Variants in ATRX observed in about 807,000 individuals in gnomAD.
ATRX encodes chromatin remodeler ATRX.
Under a neutral mutation model 172.6 loss-of-function variants are expected in ATRX, and 12 were observed. That is an observed-to-expected ratio of 0.07 (90% confidence interval 0.04 to 0.11). The LOEUF (loss-of-function observed/expected upper bound fraction) is 0.11. Among genes scored for constraint, ATRX ranks in the 10% least tolerant of loss-of-function variants. The probability of loss-of-function intolerance (pLI) is 1.00; values close to 1 mark genes in which losing one functional copy is unlikely to be tolerated. For synonymous variants in ATRX, 674 were observed against 594.7 expected (o/e 1.13, Z -1.94); for missense variants, 1,368 against 1,767.4 (o/e 0.77, Z 4.05).
intron 27 of ATRX, among the ~76,000 whole-genome samples, chrX:77,585,580 C>A (rs1160852004): frequency 6.2e-4 from 11 of 17,666 alleles, no homozygotes; most frequent in East Asian, 1.3e-3. Context: ...TGTCTCCCCC[C>A]ACCAAAAAAA....
intron 30 of ATRX, among the ~76,000 whole-genome samples, chrX:77,556,540 T>C (rs1475371291): frequency 9.0e-6 from 1 of 110,914 alleles, no homozygotes; most frequent in Non-Finnish European, 1.9e-5. Flanking sequence ...CCTGAGATAA[T>C]GTATATGAGA....
intron 1 of ATRX, among the ~76,000 whole-genome samples, chrX:77,734,834 G>A (rs1268201825): frequency 2.7e-5 from 3 of 110,043 alleles, no homozygotes; most frequent in South Asian, 3.9e-4. Flanking sequence ...GTGCTGGCCC[G>A]GCACGGTGGC....
chrX:77,584,717 T>C (rs1326280057), intron 27 of ATRX, among the ~76,000 whole-genome samples: 10 of 111,374 alleles, frequency 9.0e-5, no homozygotes, highest in Admixed American at 6.7e-4. Context: ...CAAGAAAACA[T>C]TGGGGAAACT....
intron 1 of ATRX, among the ~76,000 whole-genome samples, chrX:77,745,072 T>G (rs782548395): frequency 6.7e-5 from 7 of 104,258 alleles, no homozygotes; most frequent in African/African-American, 2.5e-4. Context: ...CTTGGAAGAC[T>G]GAAGTGGGTG....
At chrX:77,632,488 T>C (rs1365694538) in intron 19 of ATRX, among the ~76,000 whole-genome samples, 1 of 111,687 alleles carries the variant, frequency 9.0e-6, no homozygotes, top group Non-Finnish European at 1.9e-5. Flanking sequence ...ATTAACTACC[T>C]CATTATCTTT....
intron 1 of ATRX, among the ~76,000 whole-genome samples, chrX:77,780,370 C>T (rs910283620): frequency 1.4e-4 from 15 of 110,837 alleles, no homozygotes; most frequent in African/African-American, 4.6e-4. Context: ...CTCACCCTGT[C>T]GCCCAGGCTG....
chrX:77,606,619 G>A (rs1457731666), intron 22 of ATRX, among the ~76,000 whole-genome samples: 1 of 110,691 alleles, frequency 9.0e-6, no homozygotes. Context: ...GGGATGCAAC[G>A]ATGGCTCAGT....
chrX:77,712,596 A>G (rs1368886969), intron 2 of ATRX, among the ~76,000 whole-genome samples: 4 of 111,662 alleles, frequency 3.6e-5, no homozygotes, highest in Non-Finnish European at 7.5e-5. Flanking sequence ...AGGCTGAGGC[A>G]GGTGGATCAC....
chrX:77,552,293 T>A, intron 30 of ATRX, among the ~76,000 whole-genome samples: 1 of 110,012 alleles, frequency 9.1e-6, no homozygotes, highest in Non-Finnish European at 1.9e-5. Context: ...TAAAAAATGA[T>A]GAGTTCCTGT....
chrX:77,719,993 T>C (rs2073662359), intron 1 of ATRX, among the ~76,000 whole-genome samples: 1 of 112,146 alleles, frequency 8.9e-6, no homozygotes, highest in Non-Finnish European at 1.9e-5. Flanking sequence ...CAGACTATAA[T>C]GCAATCAAAT....
At chrX:77,620,682 C>T (rs1311748687) in intron 19 of ATRX, 150 bp from the exon 20 acceptor site, 5 of 546,177 alleles carry the variant, frequency 9.2e-6, no homozygotes, top group African/African-American at 4.7e-5. Flanking sequence ...ATTTTATCTG[C>T]TCCCGTATTT....
chrX:77,548,327 A>G (rs1036548132), intron 30 of ATRX, among the ~76,000 whole-genome samples: 2 of 111,920 alleles, frequency 1.8e-5, no homozygotes, highest in Non-Finnish European at 3.8e-5. Context: ...CAGATGAATA[A>G]CAATCATTTT....
intron 30 of ATRX, among the ~76,000 whole-genome samples, chrX:77,534,219 G>A (rs957367197): frequency 1.7e-4 from 19 of 111,521 alleles, no homozygotes; most frequent in African/African-American, 6.2e-4. Context: ...AGAGTGCTAT[G>A]TAAGACATGA....
At chrX:77,744,095 T>C (rs913868817) in intron 1 of ATRX, among the ~76,000 whole-genome samples, 1 of 112,297 alleles carries the variant, frequency 8.9e-6, no homozygotes, top group African/African-American at 3.2e-5. Flanking sequence ...GAGAGAGGAT[T>C]GCTTGAGACC....
At position 77,531,967 on chromosome X, in the gene ATRX, T is replaced by C. The variant is rs782005569; in HGVS notation, c.6700-8566A>G. On this transcript the variant is annotated intron_variant, in intron 30 of 34. Coordinates refer to ENST00000373344, the MANE Select transcript of ATRX (RefSeq NM_000489.6). ...TATAAAATCAATGTGTAAAAATTACTAGCATTCCTATACACCAACAACAGG... is the reference window on the plus strand; with the variant it reads ...TATAAAATCAATGTGTAAAAATTACCAGCATTCCTATACACCAACAACAGG... 1.6e-4 allele frequency among the ~76,000 whole-genome samples: 18 copies of C among 111,667 alleles called. 1 individual carries two copies. The East Asian group carries it at 2.8e-3, about 17-fold the overall frequency.
At chrX:77,639,731 A>G (rs887109194) in intron 15 of ATRX, among the ~76,000 whole-genome samples, 45 of 112,385 alleles carry the variant, frequency 4.0e-4, no homozygotes, top group African/African-American at 1.4e-3. Flanking sequence ...GTAGGAGGAG[A>G]TAAGTTAAAA....
At position 77,762,337 on chromosome X, in the gene ATRX, T is replaced by C. The variant is rs1428368231; in HGVS notation, c.20+23645A>G. Among the ~76,000 whole-genome samples the C allele has an allele frequency of 4.7e-5, 5 of 105,383 alleles. No homozygotes were observed. The Admixed American group carries it at 5.2e-4, about 11-fold the overall frequency. The allele number at this position is 105,383 out of a possible 115,157, so 91.5% of individuals were successfully genotyped here. ...AAAAAAAAAAAAAAAAAGATACACA[T>C]TGACTCACTAGAAGAGATTTTTTTT... On this transcript the variant is annotated intron_variant, in intron 1 of 34. Transcript: ENST00000373344.
intron 2 of ATRX, among the ~76,000 whole-genome samples, chrX:77,704,357 G>A (rs1344327340): frequency 1.8e-5 from 2 of 111,864 alleles, no homozygotes; most frequent in Non-Finnish European, 3.8e-5. Flanking sequence ...GCTGAGCCTG[G>A]GGTTTTTATG....
At chrX:77,625,603 C>T (rs910747435) in intron 19 of ATRX, among the ~76,000 whole-genome samples, 27 of 112,254 alleles carry the variant, frequency 2.4e-4, no homozygotes, top group Non-Finnish European at 4.1e-4. Context: ...ACAGACAATT[C>T]TCAAAAGAAG....
Sources: allele counts gnomAD v4.1 joint callset (sites outside exome capture counted in the v4.1 genomes callset), GRCh38; gene constraint gnomAD v4.1.1; transcripts MANE v1.5; gene names NCBI Gene and HGNC (gene_info 2026-07-23, HGNC 2026-07-21).